SLC38A12: variants seen among roughly 807,000 people sequenced by gnomAD.
SLC38A12 encodes solute carrier family 38 member 12, also known as putative sodium-coupled neutral amino acid transporter 12.
the SLC38A12 span, chr17:74,790,434 A>G: frequency 6.6e-6 from 5 of 755,172 alleles, no homozygotes; most frequent in Non-Finnish European, 1.1e-5. Context: ...GCCCTGTGGT[A>G]GACTCAAAAG....
At chr17:74,782,967 C>G in the SLC38A12 span, among the ~76,000 whole-genome samples, 8 of 152,126 alleles carry the variant, frequency 5.3e-5, no homozygotes, top group Non-Finnish European at 5.9e-5. Flanking sequence ...GCTGTCTCTA[C>G]TAAAACTACA....
At chr17:74,833,934 G>A in the SLC38A12 span, among the ~76,000 whole-genome samples, 7 of 152,172 alleles carry the variant, frequency 4.6e-5, no homozygotes, top group Admixed American at 1.3e-4. Flanking sequence ...CAGGTGCCCC[G>A]GGCCCAGTCT....
At chr17:74,827,004 C>T in the SLC38A12 span, among the ~76,000 whole-genome samples, 1 of 152,120 alleles carries the variant, frequency 6.6e-6, no homozygotes, top group African/African-American at 2.4e-5. This position sits in a 1 kb window ranked among gnomAD's most constrained non-coding sequence, Gnocchi z 4.7. Flanking sequence ...TTGCTGAGGC[C>T]AGTGATAAGG....
chr17:74,795,333 G>T, the SLC38A12 span, among the ~76,000 whole-genome samples: 1 of 152,204 alleles, frequency 6.6e-6, no homozygotes, highest in African/African-American at 2.4e-5. Flanking sequence ...CCCACCAAGG[G>T]CTCCTGAGTC....
chr17:74,832,080 G>A, the SLC38A12 span, among the ~76,000 whole-genome samples: 4 of 152,140 alleles, frequency 2.6e-5, no homozygotes, highest in African/African-American at 9.7e-5. Flanking sequence ...CAGACAAGGG[G>A]GTGGGGCCAC....
chr17:74,797,284 C>G, the SLC38A12 span, among the ~76,000 whole-genome samples: 2 of 152,156 alleles, frequency 1.3e-5, no homozygotes, highest in Admixed American at 6.5e-5. Flanking sequence ...ACTCTCTGAC[C>G]GAACAGAAGG....
chr17:74,811,633 A>G, the SLC38A12 span, among the ~76,000 whole-genome samples: 1 of 152,116 alleles, frequency 6.6e-6, no homozygotes, highest in Admixed American at 6.5e-5. Flanking sequence ...AGGCAGGACA[A>G]TCACTTGAGC....
the SLC38A12 span, chr17:74,838,654 G>T: frequency 7.2e-7 from 1 of 1,395,896 alleles, no homozygotes; most frequent in African/African-American, 1.4e-5. Context: ...TTGTCTAGCT[G>T]CTTTGCTCCT....
At chr17:74,786,273 G>A in the SLC38A12 span, among the ~76,000 whole-genome samples, 1 of 152,212 alleles carries the variant, frequency 6.6e-6, no homozygotes, top group African/African-American at 2.4e-5. Flanking sequence ...GCCAGGAAGG[G>A]GTTTAGGACT....
chr17:74,810,600 C>T, the SLC38A12 span, among the ~76,000 whole-genome samples: 4 of 152,200 alleles, frequency 2.6e-5, no homozygotes, highest in East Asian at 1.9e-4. Context: ...GTCATGCTTG[C>T]GTTGGTGTCT....
the SLC38A12 span, among the ~76,000 whole-genome samples, chr17:74,802,543 C>T: frequency 2.6e-5 from 4 of 152,298 alleles, no homozygotes; most frequent in Non-Finnish European, 5.9e-5. Context: ...AGTTGGGTGT[C>T]TCTGGCCCTG....
At chr17:74,779,631 T>C in the SLC38A12 span, among the ~76,000 whole-genome samples, 23 of 152,316 alleles carry the variant, frequency 1.5e-4, no homozygotes, top group Middle Eastern at 6.8e-3. Context: ...AACTCACTGC[T>C]GATGCTGGCT....
the SLC38A12 span, among the ~76,000 whole-genome samples, chr17:74,808,225 G>A: frequency 6.6e-6 from 1 of 152,246 alleles, no homozygotes; most frequent in Admixed American, 6.5e-5. Context: ...CCTTGAGGGG[G>A]CCACAGAGTG....
At chr17:74,777,046 C>G in the SLC38A12 span, among the ~76,000 whole-genome samples, 3 of 151,780 alleles carry the variant, frequency 2.0e-5, no homozygotes, top group African/African-American at 7.3e-5. Context: ...GTGCTGGGCA[C>G]AGAGCAGTGC....
the SLC38A12 span, among the ~76,000 whole-genome samples, chr17:74,811,202 C>T: frequency 6.6e-6 from 1 of 151,876 alleles, no homozygotes; most frequent in Non-Finnish European, 1.5e-5. Flanking sequence ...TGGTGGCACA[C>T]GCCTGTAGTC....
the SLC38A12 span, chr17:74,795,745 C>A: frequency 1.3e-6 from 1 of 790,932 alleles, no homozygotes; most frequent in Non-Finnish European, 2.1e-6. Flanking sequence ...AGGATCTACT[C>A]TTCTCCACAC....
At chr17:74,836,162 C>A in the SLC38A12 span, 1 of 1,613,674 alleles carries the variant, frequency 6.2e-7, no homozygotes, top group South Asian at 1.1e-5. This position sits in a 1 kb window ranked among gnomAD's most constrained non-coding sequence, Gnocchi z 4.2. Context: ...GCCTCCTCTC[C>A]TTCACCGCCA....
At chr17:74,824,456 C>CCA in the SLC38A12 span, among the ~76,000 whole-genome samples, 2 of 152,200 alleles carry the variant, frequency 1.3e-5, no homozygotes, top group African/African-American at 4.8e-5. Flanking sequence ...CTGCCCCTGC[C>CCA]CCGCCGCAGG....
chr17:74,832,998 T>C, the SLC38A12 span, among the ~76,000 whole-genome samples: 699 of 151,402 alleles, frequency 4.6e-3, 5 homozygotes, highest in African/African-American at 0.015. Flanking sequence ...AATCCTTTTT[T>C]AATCACCCAT....
Sources: gnomAD v4.1 joint callset for allele counts (sites outside exome capture counted in the v4.1 genomes callset) on GRCh38, gnomAD v4.1.1 for gene constraint, Gnocchi (gnomAD v3.1) non-coding constraint, MANE v1.5 for transcripts, NCBI Gene and HGNC (gene_info 2026-07-23, HGNC 2026-07-21) for gene names.